The following CNRIP1 variants were observed in gnomAD, a reference collection of about 807,000 sequenced individuals.
The protein encoded by CNRIP1 is CB1 cannabinoid receptor-interacting protein 1.
A neutral mutation model predicts 15.2 loss-of-function variants in CNRIP1; 10 were observed. That is an observed-to-expected ratio of 0.66 (90% CI 0.41 to 1.12). The LOEUF is 1.12. Ranked by LOEUF, CNRIP1 falls within the 50% of genes most tolerant of loss-of-function variation. CNRIP1 has a pLI of 0.00. For synonymous variants in CNRIP1, 91 were observed against 83.2 expected, an observed-to-expected ratio of 1.09 and a Z score of -0.51; for missense variants, 211 against 214.7, an observed-to-expected ratio of 0.98 and a Z score of 0.11.
At position 68,319,431 on chromosome 2, in the gene CNRIP1, G is replaced by A; in HGVS notation, c.-31C>T. 3 of 1,491,258 alleles carry A rather than the reference G, an allele frequency of 2.0e-6. No individual in the cohort carries two copies. Among genetic ancestry groups the A allele is most frequent in the Non-Finnish European group, 2.7e-6 (3 of 1,121,774 alleles). The allele number at this position is 1,491,258 out of a possible 1,614,324, so 92.4% of individuals were successfully genotyped here. Reference sequence around the variant, plus strand: ...GGCGAGGGTCTGGCGCGGCGGCTCCGGGGGGCGGAGGACAGCGCCGGCTGC... The same window carrying A: ...GGCGAGGGTCTGGCGCGGCGGCTCCAGGGGGCGGAGGACAGCGCCGGCTGC... On this transcript the variant is annotated 5_prime_UTR_variant, in exon 1 of 3. Transcript: ENST00000263655.
chr2:68,318,401 C>T (rs1672356906), intron 1 of CNRIP1, among the ~76,000 whole-genome samples: 1 of 152,198 alleles, frequency 6.6e-6, no homozygotes, highest in Non-Finnish European at 1.5e-5. Flanking sequence ...TAAAGGGGCT[C>T]CACCCGCAGT....
intron 2 of CNRIP1, among the ~76,000 whole-genome samples, chr2:68,306,640 G>A (rs1000463554): frequency 1.3e-5 from 2 of 152,058 alleles, no homozygotes; most frequent in East Asian, 3.9e-4. Flanking sequence ...ACTTAGCTGG[G>A]CGTGGTGGCG....
intron 2 of CNRIP1, among the ~76,000 whole-genome samples, chr2:68,306,124 C>CAG (rs1671833903): frequency 3.9e-5 from 1 of 25,328 alleles, no homozygotes; most frequent in Non-Finnish European, 7.0e-5. Context: ...CCCACCTCTA[C>CAG]AAAAAAAAAA....
intron 2 of CNRIP1, among the ~76,000 whole-genome samples, chr2:68,305,100 C>T (rs1038614629): frequency 3.3e-5 from 5 of 151,778 alleles, no homozygotes; most frequent in African/African-American, 9.7e-5. Flanking sequence ...CAAAATTAGC[C>T]GGGCATGGTG....
intron 2 of CNRIP1, among the ~76,000 whole-genome samples, chr2:68,296,264 T>C (rs1671352877): frequency 1.3e-5 from 2 of 152,200 alleles, no homozygotes; most frequent in Non-Finnish European, 2.9e-5. Context: ...TCAGTTAAAA[T>C]TAAACTTGGC....
At chr2:68,297,923 A>T (rs1671440076) in intron 2 of CNRIP1, among the ~76,000 whole-genome samples, 1 of 152,172 alleles carries the variant, frequency 6.6e-6, no homozygotes, top group Non-Finnish European at 1.5e-5. Flanking sequence ...GAAAAATATT[A>T]CCTTCTAAGT....
chr2:68,291,618 C>T (rs1370763467), downstream of CNRIP1, among the ~76,000 whole-genome samples: 2 of 152,002 alleles, frequency 1.3e-5, no homozygotes, highest in Non-Finnish European at 2.9e-5. Flanking sequence ...TAGTGGCTCA[C>T]GCCTGTAATC....
chr2:68,303,807 T>C (rs1399576143), intron 2 of CNRIP1, among the ~76,000 whole-genome samples: 1 of 152,192 alleles, frequency 6.6e-6, no homozygotes, highest in African/African-American at 2.4e-5. Context: ...CCAGGCGCGG[T>C]TGCTCACCCC....
At chr2:68,285,670 AAAGAAAAG>A (rs1185627425) in intron 2 of CNRIP1, among the ~76,000 whole-genome samples, 1 of 111,924 alleles carries the variant, frequency 8.9e-6, no homozygotes, top group Admixed American at 9.1e-5. Context: ...AAAAAAAAAA[AAAGAAAAG>A]AAAAGAAAAG....
chr2:68,290,449 C>T (rs544094231), downstream of CNRIP1, among the ~76,000 whole-genome samples: 14 of 152,262 alleles, frequency 9.2e-5, no homozygotes, highest in African/African-American at 3.4e-4. Context: ...ACAGAAACTA[C>T]TGTGGTTTAA....
At chr2:68,317,048 T>C (rs2017480362) in intron 2 of CNRIP1, 109 bp downstream of exon 2, 2 of 1,323,126 alleles carry the variant, frequency 1.5e-6, no homozygotes, top group Non-Finnish European at 2.2e-6. Context: ...ATTTCCACAG[T>C]AATTGGCTCC....
At chr2:68,286,780 T>C (rs567454869) in intron 2 of CNRIP1, among the ~76,000 whole-genome samples, 1 of 152,190 alleles carries the variant, frequency 6.6e-6, no homozygotes, top group Non-Finnish European at 1.5e-5. Context: ...GTTGAAGTCA[T>C]ACTGATTTGG....
chr2:68,308,260 T>A (rs1344732266), intron 2 of CNRIP1, among the ~76,000 whole-genome samples: 3 of 152,136 alleles, frequency 2.0e-5, no homozygotes, highest in African/African-American at 7.2e-5. Flanking sequence ...GAATTACTTT[T>A]AAAAAATAGA....
At chr2:68,315,872 C>A (rs1335835984) in intron 2 of CNRIP1, 1 of 152,002 alleles carries the variant, frequency 6.6e-6, no homozygotes, top group Admixed American at 6.6e-5. Flanking sequence ...GAGACAGGGT[C>A]CCACTATGTT....
intron 2 of CNRIP1, among the ~76,000 whole-genome samples, chr2:68,311,842 A>C (rs1182294067): frequency 6.6e-6 from 1 of 151,500 alleles, no homozygotes; most frequent in East Asian, 1.9e-4. Flanking sequence ...ATTATTAGAG[A>C]TCCTAAGACA....
At chr2:68,317,724 GATA>G (rs1672328134) in intron 1 of CNRIP1, among the ~76,000 whole-genome samples, 1 of 152,080 alleles carries the variant, frequency 6.6e-6, no homozygotes, top group Non-Finnish European at 1.5e-5. Context: ...TTTGTGTTAG[GATA>G]ATGGTTCTCA....
At chr2:68,313,993 C>T (rs1046746190) in intron 2 of CNRIP1, among the ~76,000 whole-genome samples, 3 of 152,124 alleles carry the variant, frequency 2.0e-5, no homozygotes, top group Non-Finnish European at 4.4e-5. Flanking sequence ...CTACTCTTTC[C>T]TCAAATGCTC....
chr2:68,295,683 A>C (rs761592717), intron 2 of CNRIP1, among the ~76,000 whole-genome samples: 3 of 152,200 alleles, frequency 2.0e-5, no homozygotes, highest in African/African-American at 4.8e-5. Context: ...ATAGTGACAG[A>C]ATGTAACCTA....
chr2:68,306,121 CTACAAA>C (rs1387591902), intron 2 of CNRIP1, among the ~76,000 whole-genome samples: 1 of 10,774 alleles, frequency 9.3e-5, no homozygotes, highest in African/African-American at 6.0e-4. Flanking sequence ...GACCCCACCT[CTACAAA>C]AAAAAAAAAA....
Sources: gnomAD v4.1 joint callset for allele counts (sites outside exome capture counted in the v4.1 genomes callset) on GRCh38, gnomAD v4.1.1 for gene constraint, MANE v1.5 for transcripts, NCBI Gene and HGNC (gene_info 2026-07-23, HGNC 2026-07-21) for gene names.